Variants in SLC6A13 observed in about 807,000 individuals in gnomAD.
SLC6A13 encodes the protein solute carrier family 6 member 13, also known as sodium- and chloride-dependent GABA transporter 2.
Under a neutral mutation model 72.9 loss-of-function variants are expected in SLC6A13, and 69 were observed. The ratio of observed to expected loss-of-function variants is 0.95; its 90% CI spans 0.78 to 1.16. The LOEUF (loss-of-function observed/expected upper bound fraction) is 1.16, where lower values mean the gene tolerates loss of function less well. Ranked by LOEUF, SLC6A13 falls within the 50% of genes most tolerant of loss-of-function variation. SLC6A13 has a pLI of 0.00. For missense variants in SLC6A13, 735 were observed against 760.5 expected (o/e 0.97, Z 0.39); for synonymous variants, 303 against 303.0 (o/e 1.00, Z 0.00).
At chr12:252,407 A>C (rs1053400225) in intron 2 of SLC6A13, among the ~76,000 whole-genome samples, 2 of 152,244 alleles carry the variant, frequency 1.3e-5, no homozygotes, top group Non-Finnish European at 2.9e-5. Context: ...GGACATGTTT[A>C]CTATCTCAAT....
At position 224,392 on chromosome 12, in the gene SLC6A13, T is replaced by C. The variant is rs1358278883; in HGVS notation, c.1173+9A>G. 6.2e-6 allele frequency: 10 copies of C among 1,610,698 alleles called. No homozygotes were observed. Among genetic ancestry groups the C allele is most frequent in the Non-Finnish European group, 8.5e-6 (10 of 1,176,958 alleles). Reference sequence around the variant, plus strand: ...ATCTCTCAGCCTCTGAGTGGCTGCCTCTTGATACCTGGCTATCCAGTCCCA... The same window carrying C: ...ATCTCTCAGCCTCTGAGTGGCTGCCCCTTGATACCTGGCTATCCAGTCCCA... On this transcript the variant is annotated intron_variant, in intron 10 of 14. Coordinates refer to ENST00000343164, the MANE Select transcript of SLC6A13 (RefSeq NM_016615.5).
chr12:229,204 C>T (rs58039389), intron 7 of SLC6A13, among the ~76,000 whole-genome samples: 2,028 of 152,208 alleles, frequency 0.013, 47 homozygotes, highest in African/African-American at 0.046. Flanking sequence ...GAATGAAATG[C>T]AAGAAAAGGA....
intron 7 of SLC6A13, among the ~76,000 whole-genome samples, chr12:232,864 C>T (rs1163962576): frequency 6.6e-6 from 1 of 152,214 alleles, no homozygotes; most frequent in Non-Finnish European, 1.5e-5. Flanking sequence ...AGAATCAAAA[C>T]CTGGCCAGAG....
intron 11 of SLC6A13, 58 bp downstream of exon 11, chr12:223,934 G>A (rs1941326175): frequency 1.3e-6 from 2 of 1,591,846 alleles, no homozygotes; most frequent in African/African-American, 2.7e-5. Context: ...TCACTGACAG[G>A]TAGCAGCTGT....
Position 220,826 on chromosome 12 carries a change from A to T in SLC6A13, c.*122T>A. On this transcript the variant is annotated 3_prime_UTR_variant, in exon 15 of 15. Coordinates refer to ENST00000343164, the MANE Select transcript of SLC6A13 (RefSeq NM_016615.5). ...CAGCTCAGCAGGTGGACTCCAAAAT[A>T]CCCCTCTTGTCTTATCCACTCCAGG... The T allele has an allele frequency of 8.1e-7, 1 of 1,240,210 alleles. No homozygotes were observed. The highest frequency in any genetic ancestry group is 1.1e-6 in the Non-Finnish European group (1 of 901,532). The allele number at this position is 1,240,210 out of a possible 1,614,324, so 76.8% of individuals were successfully genotyped here.
intron 2 of SLC6A13, among the ~76,000 whole-genome samples, chr12:252,013 A>C (rs1942572153): frequency 6.6e-6 from 1 of 152,190 alleles, no homozygotes. Context: ...CACAGAATGA[A>C]AAAAATAGTA....
intron 3 of SLC6A13, among the ~76,000 whole-genome samples, chr12:242,998 G>C (rs1009137082): frequency 6.6e-6 from 1 of 151,800 alleles, no homozygotes; most frequent in Non-Finnish European, 1.5e-5. Context: ...TTAAATACTT[G>C]TGTCAAGATA....
chr12:224,259 T>C, intron 10 of SLC6A13, 130 bp from the exon 11 acceptor site: 1 of 1,417,812 alleles, frequency 7.1e-7, no homozygotes, highest in Non-Finnish European at 9.8e-7. Context: ...GCTATTGTCC[T>C]TGCCTGGTTA....
chr12:226,241 T>G (rs976684874), intron 9 of SLC6A13, 149 bp downstream of exon 9: 1 of 918,560 alleles, frequency 1.1e-6, no homozygotes, highest in African/African-American at 1.6e-5. Flanking sequence ...CTGTTTCAAT[T>G]CTCCGCCAAG....
rs1381891201 is a variant in SLC6A13 at position 262,814 on chromosome 12, C to T, written c.-31G>A. ...CTTAGTGAAGCTGCTGCCAGAGGTC[C>T]AGTCAGGGGAGAAGAATTATCTAAG... is the stretch of plus-strand genomic sequence containing the variant. On this transcript the variant is annotated 5_prime_UTR_variant, in exon 1 of 15. Transcript: ENST00000343164. The T allele has an allele frequency of 1.3e-5, 5 of 376,392 alleles. No homozygotes were observed. Among genetic ancestry groups the T allele is most frequent in the African/African-American group, 2.2e-5 (1 of 45,632 alleles). 23.3% of individuals were successfully genotyped at this position (376,392 alleles called of 1,614,324 possible).
rs745487044 is a variant in SLC6A13 at position 223,223 on chromosome 12, G to A, written c.1323C>T (p.Tyr441=). The A allele has an allele frequency of 2.3e-5, 37 of 1,609,686 alleles. No individual in the cohort carries two copies. Among genetic ancestry groups the A allele is most frequent in the African/African-American group, 2.1e-4 (16 of 74,774 alleles). Residue 441 remains tyrosine, a synonymous_variant, in exon 12 of 15, where the codon TAC becomes TAT. Coordinates refer to ENST00000343164, the MANE Select transcript of SLC6A13 (RefSeq NM_016615.5). The part of the protein sequence containing the change: ...GLIMLTEGGM[Y]VFQLFDYYAA... ...CATAGTAGTCAAAGAGCTGGAACAC[G>A]TACATTCCGCCCTGCATGGGAGGAG...
At chr12:231,032 A>C (rs1941687488) in intron 7 of SLC6A13, among the ~76,000 whole-genome samples, 1 of 152,238 alleles carries the variant, frequency 6.6e-6, no homozygotes, top group Non-Finnish European at 1.5e-5. Flanking sequence ...CAGGGATCTA[A>C]AAGCTTCCAC....
chr12:223,265 G>C (rs776422206), intron 11 of SLC6A13, 31 bp from the exon 12 acceptor site: 5 of 1,450,478 alleles, frequency 3.4e-6, no homozygotes, highest in Non-Finnish European at 4.8e-6. Flanking sequence ...TTAAAAAGAA[G>C]TTTATCCAGT....
intron 7 of SLC6A13, among the ~76,000 whole-genome samples, chr12:231,631 G>A (rs74792096): frequency 0.023 from 3,499 of 152,232 alleles, 135 homozygotes; most frequent in African/African-American, 0.08. Flanking sequence ...GAACACAGAT[G>A]CTCCCTGCAC....
intron 2 of SLC6A13, among the ~76,000 whole-genome samples, chr12:255,903 C>T (rs985592178): frequency 9.2e-5 from 14 of 152,108 alleles, no homozygotes; most frequent in Middle Eastern, 3.2e-3. Context: ...AACAAGCCAG[C>T]CAGACTCTTG....
chr12:233,283 G>C (rs188202360), intron 7 of SLC6A13, among the ~76,000 whole-genome samples: 3 of 152,158 alleles, frequency 2.0e-5, no homozygotes, highest in African/African-American at 7.2e-5. Flanking sequence ...TCCGGCCCTC[G>C]ACACCTCCTG....
At chr12:228,695 C>G (rs563220455) in intron 7 of SLC6A13, among the ~76,000 whole-genome samples, 2 of 152,206 alleles carry the variant, frequency 1.3e-5, no homozygotes, top group African/African-American at 4.8e-5. Context: ...GCCCCTACCC[C>G]TTGCTCCCTC....
rs1267306084 is a variant in SLC6A13 at position 220,987 on chromosome 12, G to C, written c.1770C>G (p.Thr590=). ...AGPSAPATPR[T]SLLRLTELES... is the part of the protein sequence containing the mutation. ...CTAGCTCTGTGAGTCTGAGCAGTGA[G>C]GTCCTGGGGGTGGCGGGAGCCGAGG... Residue 590 remains threonine (T), a synonymous_variant, in exon 15 of 15, where the codon ACC becomes ACG. Coordinates refer to ENST00000343164, the MANE Select transcript of SLC6A13 (RefSeq NM_016615.5). 8.1e-6 allele frequency: 13 copies of C among 1,613,016 alleles called. No homozygotes were observed. Among genetic ancestry groups the C allele is most frequent in the Non-Finnish European group, 8.5e-7 (1 of 1,179,944 alleles).
In SLC6A13 at chr12:223,237, G is replaced by A. The variant is rs1464847863; in HGVS notation, c.1312-3C>T. 2 of 1,581,996 alleles carry A rather than the reference G, an allele frequency of 1.3e-6. No individual in the cohort carries two copies. The highest frequency in any genetic ancestry group is 2.2e-5 in the South Asian group (2 of 89,750). On this transcript the variant is annotated splice_polypyrimidine_tract_variant and splice_region_variant and intron_variant, in intron 11 of 14. Transcript: ENST00000343164. ...AGCTGGAACACGTACATTCCGCCCT[G>A]CATGGGAGGAGATTATTTTAAAAAG...
Sources: allele counts gnomAD v4.1 joint callset (sites outside exome capture counted in the v4.1 genomes callset), GRCh38; gene constraint gnomAD v4.1.1; transcripts MANE v1.5; gene names NCBI Gene and HGNC (gene_info 2026-07-23, HGNC 2026-07-21).